The following LRRC8C variants were observed in gnomAD, a reference collection of about 807,000 sequenced individuals.
LRRC8C encodes volume-regulated anion channel subunit LRRC8C.
LRRC8C carries 20 observed loss-of-function variants against 55.3 expected under a neutral mutation model. The observed-to-expected ratio is 0.36, with a 90% CI of 0.25 to 0.53. The LOEUF is 0.53. Among genes scored for constraint, LRRC8C ranks in the 20% least tolerant of loss-of-function variants. The pLI, the probability that LRRC8C is intolerant of heterozygous loss-of-function variation, is 0.92. For synonymous variants in LRRC8C, 376 were observed against 360.7 expected, an observed-to-expected ratio of 1.04 and a Z score of -0.48; for missense variants, 659 against 951.4, an observed-to-expected ratio of 0.69 and a Z score of 4.04.
intron 1 of LRRC8C, among the ~76,000 whole-genome samples, chr1:89,685,570 C>T (rs537818722): frequency 6.6e-6 from 1 of 152,194 alleles, no homozygotes; most frequent in Middle Eastern, 3.4e-3. Context: ...GAATATTTCT[C>T]CTCACAGTAG....
chr1:89,691,264 TGAG>T (rs1344156761), intron 2 of LRRC8C, among the ~76,000 whole-genome samples: 1 of 152,196 alleles, frequency 6.6e-6, no homozygotes, highest in Non-Finnish European at 1.5e-5. Flanking sequence ...TCACTGGAAG[TGAG>T]GGACTCAAGA....
intron 1 of LRRC8C, among the ~76,000 whole-genome samples, chr1:89,664,734 A>G (rs1657210270): frequency 6.6e-6 from 1 of 152,208 alleles, no homozygotes; most frequent in Non-Finnish European, 1.5e-5. Context: ...TACTTTGGGC[A>G]GTATGGCCAT....
rs1656457066 is a variant in LRRC8C at position 89,641,586 on chromosome 1, C to T, written c.-5+8264C>T. 2.0e-5 allele frequency among the ~76,000 whole-genome samples: 3 copies of T among 151,984 alleles called. No individual in the cohort carries two copies. The South Asian group carries it at 6.2e-4, about 32-fold the overall frequency. On this transcript the variant is annotated intron_variant, in intron 1 of 2. Coordinates refer to ENST00000370454, the MANE Select transcript of LRRC8C (RefSeq NM_032270.5). ...TTTTTTAATAGTCTCTCAATTTAGACAGTCTTTGCAGGTCTGTCTTGGTCA... is the reference window on the plus strand; with the variant it reads ...TTTTTTAATAGTCTCTCAATTTAGATAGTCTTTGCAGGTCTGTCTTGGTCA...
At chr1:89,626,316 C>T in the LRRC8C span, 1 of 152,208 alleles carries the variant, frequency 6.6e-6, no homozygotes, top group Admixed American at 6.5e-5. Flanking sequence ...GTGGGTTTCT[C>T]CTCACAATAA....
intron 1 of LRRC8C, among the ~76,000 whole-genome samples, chr1:89,654,565 G>A (rs1297777773): frequency 6.6e-6 from 1 of 152,076 alleles, no homozygotes; most frequent in Non-Finnish European, 1.5e-5. Flanking sequence ...TAAATTTTCT[G>A]TGTCCTTCTA....
At chr1:89,687,634 T>A (rs1052291811) in intron 2 of LRRC8C, among the ~76,000 whole-genome samples, 5 of 152,074 alleles carry the variant, frequency 3.3e-5, no homozygotes, top group African/African-American at 1.2e-4. Flanking sequence ...TAAGGACAGA[T>A]GAAAACCAGG....
chr1:89,700,741 A>T (rs1164105310), intron 2 of LRRC8C, among the ~76,000 whole-genome samples: 5 of 152,206 alleles, frequency 3.3e-5, no homozygotes, highest in African/African-American at 4.8e-5. Flanking sequence ...ATTTGAATCA[A>T]TGAGGTGGAG....
chr1:89,697,005 A>G lies in LRRC8C; in HGVS notation c.138+10394A>G, dbSNP rs938048522. 5.9e-5 allele frequency among the ~76,000 whole-genome samples: 9 copies of G among 152,150 alleles called. No homozygotes were observed. In the East Asian group the frequency reaches 9.6e-4, roughly 16 times the overall value. On this transcript the variant is annotated intron_variant, in intron 2 of 2. Transcript: ENST00000370454. ...ATCTTAACTTCTAAAAATTATAATA[A>G]TGATTGAAAAAAAAATCACTTGCCA...
intron 1 of LRRC8C, among the ~76,000 whole-genome samples, chr1:89,644,260 C>T (rs1656550745): frequency 6.6e-6 from 1 of 152,240 alleles, no homozygotes; most frequent in African/African-American, 2.4e-5. Context: ...CTGCAACCTT[C>T]ACCTCCCAGG....
In LRRC8C at chr1:89,714,810, A is replaced by G; in HGVS notation, c.2240A>G (p.Lys747Arg). The G allele has an allele frequency of 6.2e-7, 1 of 1,614,106 alleles. No individual in the cohort carries two copies. Among genetic ancestry groups the G allele is most frequent in the Non-Finnish European group, 8.5e-7 (1 of 1,180,008 alleles). ...GKNSLSVLSP[K>R]IGNLLFLSYL... ...AACAGCCTATCTGTACTTTCACCGAAAATTGGAAATTTGCTATTTCTTTCC... is the reference window on the plus strand; with the variant it reads ...AACAGCCTATCTGTACTTTCACCGAGAATTGGAAATTTGCTATTTCTTTCC... Residue 747 changes from lysine (K) to arginine (R), a missense_variant, in exon 3 of 3, where the codon AAA (lysine) becomes AGA (arginine). Physicochemically the swap from Lys to Arg is conservative, Grantham distance 26. Around this residue, in one of 5 missense-constraint regions of LRRC8C, gnomAD observed 344 missense variants for 464.6 expected, o/e 0.74. Transcript: ENST00000370454. This position sits in a 1 kb window ranked among gnomAD's most constrained non-coding sequence, Gnocchi z 4.6.
At chr1:89,664,792 A>G (rs1657212314) in intron 1 of LRRC8C, among the ~76,000 whole-genome samples, 1 of 152,052 alleles carries the variant, frequency 6.6e-6, no homozygotes, top group Non-Finnish European at 1.5e-5. Context: ...ATGTTTTTCC[A>G]TTTGTTTGTG....
chr1:89,669,639 A>T lies in LRRC8C; in HGVS notation c.-4-16831A>T, dbSNP rs1570711091. Among the ~76,000 whole-genome samples the T allele has an allele frequency of 3.3e-5, 5 of 152,266 alleles. No individual in the cohort carries two copies. The South Asian group carries it at 1.0e-3, about 32-fold the overall frequency. The stretch of plus-strand genomic sequence containing the variant: ...TACTGTTCTTTTCCCCATTCTCAAG[A>T]TGAGAAAACAGAAGGATTAAGTAAG... On this transcript the variant is annotated intron_variant, in intron 1 of 2. Transcript: ENST00000370454.
chr1:89,699,325 C>A (rs954691738), intron 2 of LRRC8C, among the ~76,000 whole-genome samples: 17 of 152,116 alleles, frequency 1.1e-4, no homozygotes, highest in African/African-American at 4.1e-4. Flanking sequence ...ATACATTTGT[C>A]CAAATCTTTA....
At chr1:89,657,909 G>A (rs1458421871) in intron 1 of LRRC8C, among the ~76,000 whole-genome samples, 1 of 152,158 alleles carries the variant, frequency 6.6e-6, no homozygotes, top group Non-Finnish European at 1.5e-5. Context: ...GATAAGACGT[G>A]TCATTAATGT....
intron 1 of LRRC8C, among the ~76,000 whole-genome samples, 153 bp downstream of exon 1, chr1:89,633,475 C>G (rs111723165): frequency 0.022 from 3,289 of 152,316 alleles, 116 homozygotes; most frequent in African/African-American, 0.076. Flanking sequence ...TGGTTGCCCG[C>G]CCGGCGTGTG....
At chr1:89,688,511 C>T (rs187513542) in intron 2 of LRRC8C, among the ~76,000 whole-genome samples, 25 of 152,244 alleles carry the variant, frequency 1.6e-4, no homozygotes, top group Admixed American at 1.6e-3. Context: ...ATAGGATGGC[C>T]TGGGAAGGCC....
At chr1:89,691,616 G>A (rs1658029513) in intron 2 of LRRC8C, among the ~76,000 whole-genome samples, 1 of 152,208 alleles carries the variant, frequency 6.6e-6, no homozygotes, top group African/African-American at 2.4e-5. Flanking sequence ...ACCTGTGAAA[G>A]TAGATTAGTC....
At chr1:89,655,395 T>G (rs1455670274) in intron 1 of LRRC8C, among the ~76,000 whole-genome samples, 3 of 152,222 alleles carry the variant, frequency 2.0e-5, no homozygotes, top group Non-Finnish European at 2.9e-5. Context: ...TATTTGTTCC[T>G]TTGATTGTGT....
In LRRC8C at chr1:89,714,688, A is replaced by G; in HGVS notation, c.2118A>G (p.Gln706=). 6.2e-7 allele frequency: 1 copy of G among 1,614,182 alleles called. No homozygotes were observed. Among genetic ancestry groups the G allele is most frequent in the Non-Finnish European group, 8.5e-7 (1 of 1,180,020 alleles). Residue 706 remains glutamine (Q), a synonymous_variant, in exon 3 of 3, where the codon CAA becomes CAG. Transcript: ENST00000370454. The surrounding 1 kb of genome is among the most constrained non-coding windows in gnomAD (Gnocchi z 4.6). ...TCCCCCCTGAAATTGGAGTTCTACA[A>G]AGTTTACAGTATTTTTCCATCACAT... is the stretch of plus-strand genomic sequence containing the variant. ...RFIPPEIGVL[Q]SLQYFSITCN... is the part of the protein sequence containing the mutation.
Sources: gnomAD v4.1 joint callset for allele counts (sites outside exome capture counted in the v4.1 genomes callset) on GRCh38, gnomAD v4.1.1 for gene constraint, gnomAD v4.1.1 regional missense constraint, Gnocchi (gnomAD v3.1) non-coding constraint, MANE v1.5 for transcripts, NCBI Gene and HGNC (gene_info 2026-07-23, HGNC 2026-07-21) for gene names.